TSBP1: variants seen among roughly 807,000 people sequenced by gnomAD.
TSBP1 encodes testis expressed basic protein 1, also known as testis-expressed basic protein 1.
In TSBP1, 56 loss-of-function variants were observed where a neutral mutation model predicts 68.8. The observed-to-expected ratio is 0.81, with a 90% CI of 0.66 to 1.02. The LOEUF (loss-of-function observed/expected upper bound fraction) is 1.02, where lower values mean the gene tolerates loss of function less well. Ranked by LOEUF, TSBP1 falls within the 50% of genes least tolerant of loss-of-function variation. TSBP1 has a pLI of 0.00. For missense variants in TSBP1, 502 were observed against 641.2 expected (o/e 0.78, Z 2.34); for synonymous variants, 171 against 208.7 (o/e 0.82, Z 1.56).
chr6:32,356,640 T>C (rs1036097008), intron 6 of TSBP1, among the ~76,000 whole-genome samples: 9 of 151,594 alleles, frequency 5.9e-5, no homozygotes, highest in African/African-American at 2.2e-4. Context: ...GAATTGCCTG[T>C]GCCCGGGAGA....
rs1427098818 is a variant in TSBP1, at chr6:32,340,975, T to G, written c.350-1337A>C. Among the ~76,000 whole-genome samples the G allele has an allele frequency of 3.3e-5, 5 of 152,108 alleles. No homozygotes were observed. Among genetic ancestry groups the G allele is most frequent in the Non-Finnish European group, 7.4e-5 (5 of 67,996 alleles). ...CACGCCCAGCTAATTTTTGTATTTT[T>G]AGTAGAGATGGGGTTTCGCCATGTT... On this transcript the variant is annotated intron_variant, in intron 9 of 22. Transcript: ENST00000612031. The surrounding 1 kb of genome is among the most constrained non-coding windows in gnomAD (Gnocchi z 4.8).
chr6:32,366,507 T>C, intron 4 of TSBP1: 1 of 596,210 alleles, frequency 1.7e-6, no homozygotes, highest in East Asian at 3.2e-5. Flanking sequence ...CTCACGCCTA[T>C]GTTCCCAGCA....
At chr6:32,328,099 C>T (rs1014606415) in intron 16 of TSBP1, among the ~76,000 whole-genome samples, 2 of 151,726 alleles carry the variant, frequency 1.3e-5, no homozygotes, top group Non-Finnish European at 2.9e-5. Context: ...CACCAGTGCG[C>T]CGGGCCTAAT....
intron 18 of TSBP1, among the ~76,000 whole-genome samples, chr6:32,320,695 T>A (rs746345673): frequency 4.3e-4 from 65 of 152,322 alleles, no homozygotes; most frequent in Admixed American, 6.5e-4. Flanking sequence ...AGGTAACACT[T>A]TTTAAACTTT....
chr6:32,326,941 T>C (rs543838836), intron 16 of TSBP1, among the ~76,000 whole-genome samples: 11 of 152,294 alleles, frequency 7.2e-5, no homozygotes, highest in Non-Finnish European at 5.9e-5. Flanking sequence ...CTGCAGGGGA[T>C]TGGTAATTTC....
intron 16 of TSBP1, among the ~76,000 whole-genome samples, chr6:32,324,178 T>C (rs9501611): frequency 0.03 from 4,550 of 152,310 alleles, 150 homozygotes; most frequent in East Asian, 0.09. Context: ...TTAAAGTTGT[T>C]ATTTAAAGTT....
At position 32,310,761 on chromosome 6, in the gene TSBP1, A is replaced by ATATATTTTTTTTTTTTTTT; in HGVS notation, c.580+5010_580+5011insAAAAAAAAAAAAAAATATA. ...TATATATACATATATATATATATATATTTTTAATCTTTTTAGAAAGGATAG... is the reference window on the plus strand; with the variant it reads ...TATATATACATATATATATATATATATATATTTTTTTTTTTTTTTTTTTTAATCTTTTTAGAAAGGATAG... On this transcript the variant is annotated intron_variant, in intron 19 of 22. Transcript: ENST00000612031. 5.5e-5 allele frequency among the ~76,000 whole-genome samples: 8 copies of ATATATTTTTTTTTTTTTTT among 144,830 alleles called. No individual in the cohort carries two copies. The East Asian group carries it at 1.0e-3, about 18-fold the overall frequency.
Position 32,367,283 on chromosome 6 carries a change from C to T in TSBP1, c.166+642G>A, listed in dbSNP as rs188113217. ...AGAGAGAAAGAGAGAGAGAGACAGC[C>T]GAGGGAACATCTATAGGCAGCCCTG... On this transcript the variant is annotated intron_variant, in intron 4 of 22. Transcript: ENST00000612031. Among the ~76,000 whole-genome samples, 14 of 131,228 alleles carry T rather than the reference C, an allele frequency of 1.1e-4. No homozygotes were observed. In the East Asian group the frequency reaches 2.8e-3, roughly 26 times the overall value. 86.1% of individuals were successfully genotyped at this position (131,228 alleles called of 152,430 possible).
At chr6:32,360,414 CTGTG>C (rs1219582110) in intron 6 of TSBP1, among the ~76,000 whole-genome samples, 2 of 151,616 alleles carry the variant, frequency 1.3e-5, no homozygotes, top group African/African-American at 4.9e-5. Context: ...GTGTGTGTGT[CTGTG>C]TATCACATTT....
rs1329880951 is a variant in TSBP1, at chr6:32,337,158, T to G, written c.410-523A>C. Among the ~76,000 whole-genome samples the G allele has an allele frequency of 6.6e-6, 1 of 152,222 alleles. No individual in the cohort carries two copies. Among genetic ancestry groups the G allele is most frequent in the Non-Finnish European group, 1.5e-5 (1 of 68,030 alleles). On this transcript the variant is annotated intron_variant, in intron 11 of 22. Transcript: ENST00000612031. This position sits in a 1 kb window ranked among gnomAD's most constrained non-coding sequence, Gnocchi z 5.5. ...TATGGAAAAAACAAAATAGAACTAA[T>G]GAGAAAATACTGTTTGCATTTAAAT...
At chr6:32,350,187 C>T in intron 8 of TSBP1, 1 of 475,390 alleles carries the variant, frequency 2.1e-6, no homozygotes, top group Non-Finnish European at 4.2e-6. Context: ...TTTTTTGTTA[C>T]ACCAAACAAT....
At chr6:32,307,417 G>T (rs7341328) in intron 19 of TSBP1, among the ~76,000 whole-genome samples, 1 of 151,856 alleles carries the variant, frequency 6.6e-6, no homozygotes, top group Non-Finnish European at 1.5e-5. Flanking sequence ...CTCAGAAAAT[G>T]TGATTTATAT....
intron 8 of TSBP1, among the ~76,000 whole-genome samples, chr6:32,352,226 G>A (rs1354585338): frequency 6.6e-6 from 1 of 151,978 alleles, no homozygotes; most frequent in Non-Finnish European, 1.5e-5. Flanking sequence ...ATAATTAATT[G>A]TGAAAATAAA....
chr6:32,307,853 G>A (rs563567885), intron 19 of TSBP1, among the ~76,000 whole-genome samples: 6 of 150,658 alleles, frequency 4.0e-5, no homozygotes, highest in Admixed American at 3.3e-4. Context: ...TCGGCTCACC[G>A]CAACCTCTGC....
chr6:32,347,135 A>T lies in TSBP1; in HGVS notation c.349+2605T>A, dbSNP rs189561393. On this transcript the variant is annotated intron_variant, in intron 9 of 22. Coordinates refer to ENST00000612031, the Ensembl canonical transcript of TSBP1. Reference sequence around the variant, plus strand: ...GTCAATTAAAAATTATAACATTTTTAAAAAACCATGTCTCTTACAGCCCTC... The same window carrying T: ...GTCAATTAAAAATTATAACATTTTTTAAAAACCATGTCTCTTACAGCCCTC... Among the ~76,000 whole-genome samples, 1,056 of 150,350 alleles carry T rather than the reference A, an allele frequency of 7.0e-3. 19 individuals carry two copies. Among genetic ancestry groups the T allele is most frequent in the East Asian group, 0.02 (101 of 5,050 alleles).
chr6:32,368,986 C>G (rs2066045477), intron 2 of TSBP1, among the ~76,000 whole-genome samples, 172 bp from the exon 3 acceptor site: 1 of 152,116 alleles, frequency 6.6e-6, no homozygotes. Flanking sequence ...CCCTGTTTTA[C>G]CTATCTTTTC....
At chr6:32,334,290 C>T (rs1474728) in intron 14 of TSBP1, among the ~76,000 whole-genome samples, 50,898 of 151,762 alleles carry the variant, frequency 0.34, 9,545 homozygotes, top group Middle Eastern at 0.52. Flanking sequence ...ATTTATCTCT[C>T]TCTAAACTGC....
Position 32,361,867 on chromosome 6 carries a change from C to T in TSBP1, c.217+4300G>A, listed in dbSNP as rs7763071. ...CCGAAACTCATGTTGAAACTTAATCCTCAATGTGACAGCATTGAGAAGTGA... is the reference window on the plus strand; with the variant it reads ...CCGAAACTCATGTTGAAACTTAATCTTCAATGTGACAGCATTGAGAAGTGA... On this transcript the variant is annotated intron_variant, in intron 6 of 22. Transcript: ENST00000612031. The surrounding 1 kb of genome is among the most constrained non-coding windows in gnomAD (Gnocchi z 4.3). 0.48 allele frequency among the ~76,000 whole-genome samples: 72,460 copies of T among 151,824 alleles called. 18,615 individuals are homozygous for T. Among genetic ancestry groups the T allele is most frequent in the Middle Eastern group, 0.59 (174 of 294 alleles).
At chr6:32,344,901 C>T (rs1272360764) in intron 9 of TSBP1, among the ~76,000 whole-genome samples, 1 of 151,988 alleles carries the variant, frequency 6.6e-6, no homozygotes, top group East Asian at 1.9e-4. Context: ...CTCTGTTGCC[C>T]AGGTTGAAGT....
Sources: gnomAD v4.1 joint callset for allele counts (sites outside exome capture counted in the v4.1 genomes callset) on GRCh38, gnomAD v4.1.1 for gene constraint, Gnocchi (gnomAD v3.1) non-coding constraint, MANE v1.5 for transcripts, NCBI Gene and HGNC (gene_info 2026-07-23, HGNC 2026-07-21) for gene names.